The following MGAT5 variants were observed in gnomAD, a reference collection of about 807,000 sequenced individuals.
The protein encoded by MGAT5 is alpha-1,6-mannosylglycoprotein 6-beta-N-acetylglucosaminyltransferase, also known as alpha-1,6-mannosylglycoprotein 6-beta-N-acetylglucosaminyltransferase A.
In MGAT5, 30 loss-of-function variants were observed where a neutral mutation model predicts 94.3. The observed-to-expected ratio is 0.32, with a 90% confidence interval of 0.24 to 0.43. The LOEUF (loss-of-function observed/expected upper bound fraction) is 0.43. Among genes scored for constraint, MGAT5 ranks in the 20% least tolerant of loss-of-function variants. The pLI, the probability that MGAT5 is intolerant of heterozygous loss-of-function variation, is 1.00. For missense variants in MGAT5, 691 were observed against 905.5 expected, an observed-to-expected ratio of 0.76 and a Z score of 3.04; for synonymous variants, 310 against 322.9, an observed-to-expected ratio of 0.96 and a Z score of 0.43.
chr2:134,391,934 C>T (rs553504800), intron 10 of MGAT5, among the ~76,000 whole-genome samples: 4 of 152,296 alleles, frequency 2.6e-5, no homozygotes, highest in East Asian at 3.9e-4. Flanking sequence ...GGCACATAGC[C>T]AGCAAAGGGC....
intron 15 of MGAT5, among the ~76,000 whole-genome samples, chr2:134,444,988 GCCCA>G (rs1277647327): frequency 1.3e-5 from 2 of 152,192 alleles, no homozygotes; most frequent in Non-Finnish European, 2.9e-5. Flanking sequence ...TTCCAGTGGG[GCCCA>G]GTGGAGAGGA....
chr2:134,439,842 C>T (rs2106415516), intron 14 of MGAT5, among the ~76,000 whole-genome samples: 1 of 152,348 alleles, frequency 6.6e-6, no homozygotes, highest in South Asian at 2.1e-4. Context: ...CAGCATGAGA[C>T]CCTCATATCC....
At chr2:134,356,057 T>C (rs991945811) in intron 9 of MGAT5, among the ~76,000 whole-genome samples, 2 of 152,216 alleles carry the variant, frequency 1.3e-5, no homozygotes, top group East Asian at 3.8e-4. Flanking sequence ...TTTATTTTAT[T>C]TTATTTATGC....
intron 1 of MGAT5, among the ~76,000 whole-genome samples, chr2:134,230,576 T>C (rs1353662566): frequency 6.6e-6 from 1 of 152,246 alleles, no homozygotes; most frequent in Non-Finnish European, 1.5e-5. Flanking sequence ...TTATACATTC[T>C]ATGTATTAAA....
In MGAT5 at chr2:134,273,038, T is replaced by C. The variant is rs1226930357; in HGVS notation, c.406+2488T>C. ...GTGTGTGTGCGCGCGCGCGTGCGCG[T>C]GCATGCATGCAGAGGCATCCCTTTC... On this transcript the variant is annotated intron_variant, in intron 2 of 15. Coordinates refer to ENST00000281923, the MANE Select transcript of MGAT5 (RefSeq NM_002410.5). 3.4e-5 allele frequency among the ~76,000 whole-genome samples: 5 copies of C among 148,638 alleles called. No individual in the cohort carries two copies. In the East Asian group the frequency reaches 6.3e-4, roughly 19 times the overall value.
chr2:134,179,452 G>A (rs933908395), intron 1 of MGAT5, among the ~76,000 whole-genome samples: 2 of 152,086 alleles, frequency 1.3e-5, no homozygotes, highest in Non-Finnish European at 1.5e-5. Flanking sequence ...AGGGGCTCGC[G>A]GGTACCCAAC....
chr2:134,195,642 T>C (rs1679458736), intron 1 of MGAT5, among the ~76,000 whole-genome samples: 1 of 152,248 alleles, frequency 6.6e-6, no homozygotes, highest in Non-Finnish European at 1.5e-5. Flanking sequence ...TACTCATTTT[T>C]TAATTCCTAG....
At chr2:134,352,448 C>A (rs948440942) in intron 9 of MGAT5, among the ~76,000 whole-genome samples, 4 of 152,088 alleles carry the variant, frequency 2.6e-5, no homozygotes, top group Non-Finnish European at 5.9e-5. Context: ...ACGTGCAGGA[C>A]AATGTAGAGC....
chr2:134,334,637 G>T (rs998620877), intron 4 of MGAT5, among the ~76,000 whole-genome samples: 2 of 150,196 alleles, frequency 1.3e-5, no homozygotes, highest in Non-Finnish European at 2.9e-5. Context: ...AATCTAATTG[G>T]AGCTAAATAA....
At chr2:134,386,220 T>C (rs796859208) in intron 10 of MGAT5, among the ~76,000 whole-genome samples, 2 of 152,222 alleles carry the variant, frequency 1.3e-5, no homozygotes, top group African/African-American at 4.8e-5. Flanking sequence ...ATACGAAATA[T>C]TTGAACCAAC....
intron 10 of MGAT5, among the ~76,000 whole-genome samples, chr2:134,382,855 T>A (rs1262983482): frequency 6.6e-6 from 1 of 152,242 alleles, no homozygotes; most frequent in Non-Finnish European, 1.5e-5. Context: ...CATCAAATGT[T>A]GAGAGAGTTT....
chr2:134,414,015 A>G lies in MGAT5; in HGVS notation c.1677+1000A>G, dbSNP rs3791305. Among the ~76,000 whole-genome samples, 76 of 152,158 alleles carry G rather than the reference A, an allele frequency of 5.0e-4. No individual in the cohort carries two copies. In the East Asian group the frequency reaches 0.014, roughly 29 times the overall value. ...TATAGAACTGATTACTTTGAGAGTT[A>G]TTTTTCTCTGACCCTTCCTGTCATT... On this transcript the variant is annotated intron_variant, in intron 12 of 15. Transcript: ENST00000281923.
At chr2:134,437,269 C>T (rs141526293) in intron 14 of MGAT5, among the ~76,000 whole-genome samples, 3,306 of 152,290 alleles carry the variant, frequency 0.022, 53 homozygotes, top group South Asian at 0.048. Context: ...GGATTACAGG[C>T]ATGAGCCACC....
intron 1 of MGAT5, among the ~76,000 whole-genome samples, chr2:134,190,444 A>C (rs1689307025): frequency 6.6e-6 from 1 of 152,184 alleles, no homozygotes; most frequent in Non-Finnish European, 1.5e-5. Flanking sequence ...TAAAGATTGA[A>C]TGTTCCCGGG....
chr2:134,242,611 A>G (rs1314811110), intron 1 of MGAT5, among the ~76,000 whole-genome samples: 3 of 152,220 alleles, frequency 2.0e-5, no homozygotes, highest in Non-Finnish European at 4.4e-5. Flanking sequence ...CAGTCTGGTT[A>G]TAAACACCAA....
upstream of MGAT5, among the ~76,000 whole-genome samples, chr2:134,252,677 CCTT>C (rs1033242362): frequency 2.7e-5 from 4 of 150,542 alleles, no homozygotes; most frequent in South Asian, 2.1e-4. Flanking sequence ...GGTTGGCAAA[CCTT>C]CTCTGTTAAG....
chr2:134,184,373 C>A (rs559775248), intron 1 of MGAT5, among the ~76,000 whole-genome samples: 1 of 152,300 alleles, frequency 6.6e-6, no homozygotes, highest in South Asian at 2.1e-4. Flanking sequence ...ACATTCCAGC[C>A]TGCAGGGAAG....
rs138897276 is a variant in MGAT5 at position 134,350,324 on chromosome 2, A to G, written c.1246+386A>G. On this transcript the variant is annotated intron_variant, in intron 9 of 15. Transcript: ENST00000281923. ...GAGGTGAAGTCTTTCATGCAGATCTATTTTCCACATAATTAAACCTTAATT... is the reference window on the plus strand; with the variant it reads ...GAGGTGAAGTCTTTCATGCAGATCTGTTTTCCACATAATTAAACCTTAATT... Among the ~76,000 whole-genome samples the G allele has an allele frequency of 4.1e-3, 629 of 152,216 alleles. 4 individuals are homozygous for G. Among genetic ancestry groups the G allele is most frequent in the African/African-American group, 0.015 (609 of 41,548 alleles).
rs186764900 is a variant in MGAT5, at chr2:134,279,881, T to C, written c.406+9331T>C. Among the ~76,000 whole-genome samples, 71 of 152,336 alleles carry C rather than the reference T, an allele frequency of 4.7e-4. 1 individual carries two copies. In the South Asian group the frequency reaches 8.7e-3, roughly 19 times the overall value. On this transcript the variant is annotated intron_variant, in intron 2 of 15. Coordinates refer to ENST00000281923, the MANE Select transcript of MGAT5 (RefSeq NM_002410.5). Reference sequence around the variant, plus strand: ...CCCTTGTCTGTGCTGTTTCATCCTTTACCTGTTTTCACTGACAAGTATTTC... The same window carrying C: ...CCCTTGTCTGTGCTGTTTCATCCTTCACCTGTTTTCACTGACAAGTATTTC...
Sources: allele counts gnomAD v4.1 joint callset (sites outside exome capture counted in the v4.1 genomes callset), GRCh38; gene constraint gnomAD v4.1.1; transcripts MANE v1.5; gene names NCBI Gene and HGNC (gene_info 2026-07-23, HGNC 2026-07-21).